The following CDH2 variants were observed in gnomAD, a reference collection of about 807,000 sequenced individuals.
The protein encoded by CDH2 is cadherin 2, also known as cadherin-2.
Under a neutral mutation model 92.0 loss-of-function variants are expected in CDH2, and 17 were observed. The ratio of observed to expected loss-of-function variants is 0.18; its 90% CI spans 0.13 to 0.28. The LOEUF (loss-of-function observed/expected upper bound fraction) is 0.28. Ranked by LOEUF, CDH2 falls within the 10% of genes least tolerant of loss-of-function variation. CDH2 has a pLI of 1.00. For missense variants in CDH2, 862 were observed against 1,133.1 expected, an observed-to-expected ratio of 0.76 and a Z score of 3.44; for synonymous variants, 419 against 415.9, an observed-to-expected ratio of 1.01 and a Z score of -0.09.
chr18:28,176,669 AC>A (rs200015863), intron 1 of CDH2, among the ~76,000 whole-genome samples: 1,640 of 151,248 alleles, frequency 0.011, 34 homozygotes, highest in African/African-American at 0.037. Flanking sequence ...GCCTGGGGAC[AC>A]CCCCCGCGAG....
intron 2 of CDH2, among the ~76,000 whole-genome samples, chr18:28,095,013 C>T (rs547436865): frequency 3.9e-5 from 6 of 152,116 alleles, no homozygotes; most frequent in East Asian, 1.9e-4. Context: ...CTGTTCATTG[C>T]TGCTTTAATA....
At chr18:28,029,447 A>G (rs1306910243) in intron 2 of CDH2, among the ~76,000 whole-genome samples, 1 of 151,368 alleles carries the variant, frequency 6.6e-6, no homozygotes, top group African/African-American at 2.4e-5. Flanking sequence ...AAATGCCATC[A>G]TTGGTTTTTT....
intron 2 of CDH2, among the ~76,000 whole-genome samples, chr18:28,138,331 G>T (rs374719711): frequency 6.6e-6 from 1 of 152,046 alleles, no homozygotes; most frequent in Non-Finnish European, 1.5e-5. Context: ...AGGAGTTTTA[G>T]TTAACCACAG....
chr18:28,130,332 G>A (rs1256650178), intron 2 of CDH2, among the ~76,000 whole-genome samples: 1 of 152,142 alleles, frequency 6.6e-6, no homozygotes, highest in African/African-American at 2.4e-5. Flanking sequence ...AGGAGGAAAT[G>A]CTTTTCAAAG....
At chr18:27,955,390 A>AAAAAAAAAAG (rs1567934877) in intron 15 of CDH2, among the ~76,000 whole-genome samples, 4 of 23,760 alleles carry the variant, frequency 1.7e-4, no homozygotes, top group Admixed American at 5.8e-4. Context: ...AAAAAAGAAA[A>AAAAAAAAAAG]AGAAAGAAAA....
chr18:28,048,350 T>G (rs923763960), intron 2 of CDH2, among the ~76,000 whole-genome samples: 1 of 152,174 alleles, frequency 6.6e-6, no homozygotes, highest in Non-Finnish European at 1.5e-5. Context: ...TACAGTAAAC[T>G]TTTCCATTAC....
chr18:28,042,656 C>G (rs1264298944), intron 2 of CDH2, among the ~76,000 whole-genome samples: 1 of 152,112 alleles, frequency 6.6e-6, no homozygotes, highest in Non-Finnish European at 1.5e-5. Context: ...AATATACACA[C>G]ACACAAGTTT....
At chr18:27,988,485 T>C (rs1305290143) in intron 11 of CDH2, 39 bp downstream of exon 11, 3 of 1,578,820 alleles carry the variant, frequency 1.9e-6, no homozygotes, top group Non-Finnish European at 2.6e-6. Flanking sequence ...GAGGATCTAC[T>C]GTCTTTCATC....
intron 2 of CDH2, among the ~76,000 whole-genome samples, chr18:28,061,501 C>T (rs781367063): frequency 5.9e-5 from 9 of 152,160 alleles, no homozygotes; most frequent in South Asian, 2.1e-4. Flanking sequence ...AAAAATCAGC[C>T]GAGCGTGGTG....
intron 6 of CDH2, among the ~76,000 whole-genome samples, chr18:27,944,754 T>TAAAAA (rs869217652): frequency 2.4e-5 from 2 of 83,566 alleles, no homozygotes; most frequent in African/African-American, 4.7e-5. Context: ...ACTTCCTTTC[T>TAAAAA]AAAAAAAAAA....
intron 2 of CDH2, among the ~76,000 whole-genome samples, chr18:28,139,743 C>A (rs1448823915): frequency 2.6e-5 from 4 of 152,038 alleles, no homozygotes; most frequent in Non-Finnish European, 4.4e-5. Flanking sequence ...AACTTCCTAA[C>A]ACTACAGTTC....
chr18:28,036,775 T>C (rs2013840770), intron 2 of CDH2, among the ~76,000 whole-genome samples: 2 of 152,138 alleles, frequency 1.3e-5, no homozygotes, highest in African/African-American at 4.8e-5. Context: ...CCCCCAACCT[T>C]GGGCACAACA....
chr18:28,038,689 T>C (rs2013888664), intron 2 of CDH2, among the ~76,000 whole-genome samples: 2 of 152,078 alleles, frequency 1.3e-5, no homozygotes, highest in African/African-American at 2.4e-5. Context: ...AGCCATCTTG[T>C]ATGCAGACAT....
intron 2 of CDH2, among the ~76,000 whole-genome samples, chr18:28,097,591 A>G (rs1043686990): frequency 2.6e-5 from 4 of 152,214 alleles, no homozygotes; most frequent in Admixed American, 2.6e-4. Context: ...TGCAAAAAGT[A>G]CAGTATTTAC....
intron 6 of CDH2, 131 bp downstream of exon 6, chr18:28,005,718 C>T: frequency 6.5e-6 from 4 of 617,882 alleles, no homozygotes; most frequent in South Asian, 3.8e-5. Flanking sequence ...CCTTCTTTCC[C>T]AAAAGCATTA....
intron 1 of CDH2, among the ~76,000 whole-genome samples, chr18:28,167,520 A>T (rs1015712351): frequency 6.6e-6 from 1 of 152,158 alleles, no homozygotes; most frequent in African/African-American, 2.4e-5. Flanking sequence ...TGAGTGGAAG[A>T]TGCCAGACAC....
At chr18:28,170,037 T>C (rs1244648580) in intron 1 of CDH2, among the ~76,000 whole-genome samples, 2 of 152,220 alleles carry the variant, frequency 1.3e-5, no homozygotes, top group Non-Finnish European at 2.9e-5. Context: ...CCAACTATTA[T>C]AATCTCTCAG....
At chr18:28,051,554 C>T (rs2014191221) in intron 2 of CDH2, among the ~76,000 whole-genome samples, 1 of 152,074 alleles carries the variant, frequency 6.6e-6, no homozygotes, top group Non-Finnish European at 1.5e-5. Flanking sequence ...ATCAGGAGTG[C>T]TGAACTTTTT....
At chr18:28,111,369 G>C (rs938866048) in intron 2 of CDH2, among the ~76,000 whole-genome samples, 3 of 152,200 alleles carry the variant, frequency 2.0e-5, no homozygotes, top group Admixed American at 6.5e-5. Context: ...TTCAATATTA[G>C]TTAGCATAAC....
Sources: gnomAD v4.1 joint callset for allele counts (sites outside exome capture counted in the v4.1 genomes callset) on GRCh38, gnomAD v4.1.1 for gene constraint, MANE v1.5 for transcripts, NCBI Gene and HGNC (gene_info 2026-07-23, HGNC 2026-07-21) for gene names.